WASHC2C: variants seen among roughly 807,000 people sequenced by gnomAD.
WASHC2C encodes the protein Vaccinia Penetration Factor.
A neutral mutation model predicts 142.2 loss-of-function variants in WASHC2C; 73 were observed. That is an observed-to-expected ratio of 0.51 (90% CI 0.43 to 0.62). The LOEUF (loss-of-function observed/expected upper bound fraction) is 0.62, where lower values mean the gene tolerates loss of function less well. Ranked by LOEUF, WASHC2C falls within the 20% of genes least tolerant of loss-of-function variation. WASHC2C has a pLI of 0.00. For missense variants in WASHC2C, 969 were observed against 1,531.7 expected (o/e 0.63, Z 6.13); for synonymous variants, 337 against 565.5 (o/e 0.60, Z 5.73).
Position 45,750,880 on chromosome 10 carries a change from T to C in WASHC2C, c.931+42T>C, listed in dbSNP as rs546873224. ...TTGATGGGGAGTAGGGGAGGAGTAG[T>C]GCAGGGCCCTCTGCTGGCTTCACCA... On this transcript the variant is annotated intron_variant, in intron 10 of 30. Coordinates refer to ENST00000623400, the MANE Select transcript of WASHC2C (RefSeq NM_001330074.2). 1.4e-4 allele frequency: 218 copies of C among 1,517,772 alleles called. 2 individuals carry two copies. The Middle Eastern group carries it at 1.6e-3, about 11-fold the overall frequency. The allele number at this position is 1,517,772 out of a possible 1,614,324, so 94.0% of individuals were successfully genotyped here.
intron 23 of WASHC2C, among the ~76,000 whole-genome samples, chr10:45,784,315 CACACAT>C (rs1390762575): frequency 1.3e-4 from 6 of 45,556 alleles, no homozygotes; most frequent in African/African-American, 4.8e-4. Flanking sequence ...TATATATACA[CACACAT>C]ATATATATAT....
intron 7 of WASHC2C, among the ~76,000 whole-genome samples, chr10:45,745,748 G>A (rs1440199496): frequency 6.6e-6 from 1 of 151,896 alleles, no homozygotes. Context: ...CCCTTCTTGG[G>A]CCTAATGAAG....
intron 11 of WASHC2C, among the ~76,000 whole-genome samples, chr10:45,752,015 G>A (rs1379749263): frequency 3.3e-5 from 5 of 152,228 alleles, no homozygotes; most frequent in Non-Finnish European, 7.3e-5. Flanking sequence ...GTTTTGGGGT[G>A]CTGGGAGGAT....
intron 20 of WASHC2C, chr10:45,771,454 C>T: frequency 2.0e-6 from 2 of 984,926 alleles, no homozygotes; most frequent in Non-Finnish European, 2.4e-6. Context: ...ATGGCTCCAC[C>T]TTCATACCCC....
At chr10:45,727,358 G>A in intron 1 of WASHC2C, 38 bp downstream of exon 1, 2 of 1,601,850 alleles carry the variant, frequency 1.2e-6, no homozygotes, top group Non-Finnish European at 1.7e-6. Flanking sequence ...GGCCTGGGCT[G>A]GGGCCGCCGT....
chr10:45,784,289 T>TATATATATATATACAC, intron 23 of WASHC2C, among the ~76,000 whole-genome samples: 1 of 17,708 alleles, frequency 5.6e-5, no homozygotes, highest in South Asian at 2.9e-3. Context: ...TATATATATA[T>TATATATATATATACAC]ACACATATAT....
chr10:45,757,693 C>T (rs1345691873), intron 16 of WASHC2C, among the ~76,000 whole-genome samples: 1 of 151,894 alleles, frequency 6.6e-6, no homozygotes, highest in Admixed American at 6.5e-5. Context: ...ATGCCATTTA[C>T]GGCAGTGATC....
chr10:45,788,403 A>G (rs12263724), intron 28 of WASHC2C, among the ~76,000 whole-genome samples: 2,298 of 152,296 alleles, frequency 0.015, 44 homozygotes, highest in African/African-American at 0.05. Context: ...TTATTGTGTC[A>G]TGTTTCTCCC....
At chr10:45,736,171 G>A (rs549243885) in intron 3 of WASHC2C, among the ~76,000 whole-genome samples, 91 of 151,296 alleles carry the variant, frequency 6.0e-4, no homozygotes, top group Non-Finnish European at 1.1e-3. Context: ...ACTTTGGGAG[G>A]CCGAGGTGGG....
At chr10:45,784,305 T>TATAG in intron 23 of WASHC2C, among the ~76,000 whole-genome samples, 1 of 82,580 alleles carries the variant, frequency 1.2e-5, no homozygotes, top group Non-Finnish European at 2.3e-5. Context: ...TATATATATA[T>TATAG]ATATATACAC....
Position 45,752,676 on chromosome 10 carries a change from C to T in WASHC2C, c.1092C>T (p.Gly364=), listed in dbSNP as rs1564740934. Residue 364 remains glycine, a synonymous_variant, in exon 12 of 31, where the codon GGC becomes GGT. Coordinates refer to ENST00000623400, the MANE Select transcript of WASHC2C (RefSeq NM_001330074.2). ...CTGGAGGTGGCCTGTTCAGTGGCGGCAAGGGGCTATTTGATGATGAGGACG... is the reference window on the plus strand; with the variant it reads ...CTGGAGGTGGCCTGTTCAGTGGCGGTAAGGGGCTATTTGATGATGAGGACG... The part of the protein sequence containing the change: ...FGSGGGLFSG[G]KGLFDDEDEE... The T allele has an allele frequency of 1.9e-6, 3 of 1,609,444 alleles. No individual in the cohort carries two copies. The highest frequency in any genetic ancestry group is 2.2e-5 in the South Asian group (2 of 90,938).
At chr10:45,784,265 T>TAC (rs1554888896) in intron 23 of WASHC2C, among the ~76,000 whole-genome samples, 3 of 5,664 alleles carry the variant, frequency 5.3e-4, no homozygotes, top group African/African-American at 9.2e-4. Flanking sequence ...TATATATATA[T>TAC]ATATATATAT....
Position 45,792,700 on chromosome 10 carries a change from C to G in WASHC2C, c.*300C>G, listed in dbSNP as rs1184822057. 3 of 522,184 alleles carry G rather than the reference C, an allele frequency of 5.7e-6. No homozygotes were observed. Among genetic ancestry groups the G allele is most frequent in the Non-Finnish European group, 1.1e-5 (3 of 277,616 alleles). The allele number at this position is 522,184 out of a possible 1,614,324, so 32.3% of individuals were successfully genotyped here. ...TGTAAAAGAAGAAATCTCTTTGTGG[C>G]TTTCATGGGCAGGGAATCTCAGAGA... On this transcript the variant is annotated 3_prime_UTR_variant, in exon 31 of 31. Transcript: ENST00000623400.
intron 3 of WASHC2C, among the ~76,000 whole-genome samples, chr10:45,732,585 G>C (rs1446319816): frequency 2.0e-5 from 3 of 151,890 alleles, no homozygotes; most frequent in Non-Finnish European, 2.9e-5. Context: ...TCTTAGCTTT[G>C]TAAAATTAAA....
chr10:45,734,051 A>G (rs2610493), intron 3 of WASHC2C, among the ~76,000 whole-genome samples: 29 of 152,000 alleles, frequency 1.9e-4, no homozygotes, highest in East Asian at 3.9e-4. Context: ...GTGAAGCTCC[A>G]TCTTTACTAA....
intron 7 of WASHC2C, among the ~76,000 whole-genome samples, chr10:45,745,504 A>G (rs1168973019): frequency 6.6e-6 from 1 of 151,510 alleles, no homozygotes; most frequent in Non-Finnish European, 1.5e-5. Flanking sequence ...CCGAAAGGAG[A>G]CAGTGTTGTG....
At chr10:45,738,780 C>T (rs1388282214) in intron 4 of WASHC2C, among the ~76,000 whole-genome samples, 1 of 152,212 alleles carries the variant, frequency 6.6e-6, no homozygotes, top group Non-Finnish European at 1.5e-5. Context: ...TATCAGCTCA[C>T]TGCAACCTCT....
chr10:45,783,316 G>A (rs1589926357), intron 23 of WASHC2C, among the ~76,000 whole-genome samples: 1 of 152,026 alleles, frequency 6.6e-6, no homozygotes, highest in African/African-American at 2.4e-5. Flanking sequence ...ACTGTGTATG[G>A]TTTTGTAATA....
At chr10:45,732,011 T>G (rs1183170596) in intron 3 of WASHC2C, among the ~76,000 whole-genome samples, 6 of 152,038 alleles carry the variant, frequency 3.9e-5, no homozygotes, top group Non-Finnish European at 5.9e-5. Context: ...TTAGCCAGGA[T>G]GGTCTCGATC....
Sources: allele counts gnomAD v4.1 joint callset (sites outside exome capture counted in the v4.1 genomes callset), GRCh38; gene constraint gnomAD v4.1.1; transcripts MANE v1.5; gene names NCBI Gene and HGNC (gene_info 2026-07-23, HGNC 2026-07-21).